STK32A: variants seen among roughly 807,000 people sequenced by gnomAD.
The protein encoded by STK32A is serine/threonine kinase 32A, also known as serine/threonine-protein kinase 32A.
A neutral mutation model predicts 53.2 loss-of-function variants in STK32A; 41 were observed. The ratio of observed to expected loss-of-function variants is 0.77; its 90% CI spans 0.60 to 1.00. The LOEUF (loss-of-function observed/expected upper bound fraction) is 1.00, where lower values mean the gene tolerates loss of function less well. STK32A is among the 50% of genes least tolerant of loss of function. STK32A has a pLI of 0.00. For synonymous variants in STK32A, 166 were observed against 162.8 expected (o/e 1.02, Z -0.15); for missense variants, 458 against 485.8 (o/e 0.94, Z 0.54).
At chr5:147,287,612 T>C (rs1180758879) in intron 4 of STK32A, among the ~76,000 whole-genome samples, 1 of 152,158 alleles carries the variant, frequency 6.6e-6, no homozygotes, top group Non-Finnish European at 1.5e-5. Flanking sequence ...ACTACTCGGA[T>C]ATGGTAGAGT....
the STK32A span, chr5:147,395,807 A>G: frequency 2.3e-5 from 35 of 1,491,762 alleles, no homozygotes; most frequent in East Asian, 6.8e-4. Flanking sequence ...TAGTGAATAC[A>G]GTGTGTGGTG....
intron 5 of STK32A, among the ~76,000 whole-genome samples, chr5:147,331,809 A>T (rs1380393447): frequency 6.6e-6 from 1 of 152,098 alleles, no homozygotes; most frequent in Non-Finnish European, 1.5e-5. Flanking sequence ...ACAGGTGAAG[A>T]TGGGGGATTG....
intron 7 of STK32A, among the ~76,000 whole-genome samples, chr5:147,357,651 C>T (rs892247980): frequency 1.1e-4 from 16 of 151,942 alleles, no homozygotes; most frequent in African/African-American, 3.6e-4. Flanking sequence ...TGCTTTCTAA[C>T]TTTGATGCTT....
intron 4 of STK32A, among the ~76,000 whole-genome samples, chr5:147,299,574 C>A (rs1207779821): frequency 6.6e-6 from 1 of 152,114 alleles, no homozygotes; most frequent in Non-Finnish European, 1.5e-5. Context: ...CACTGAAGCT[C>A]CACTTTAGAT....
At chr5:147,278,781 A>G (rs1751893430) in intron 3 of STK32A, among the ~76,000 whole-genome samples, 1 of 152,192 alleles carries the variant, frequency 6.6e-6, no homozygotes, top group South Asian at 2.1e-4. Context: ...CTCTAAAGAA[A>G]TTTCAAAAAC....
chr5:147,341,494 G>A (rs1436536993), intron 5 of STK32A, among the ~76,000 whole-genome samples: 2 of 152,140 alleles, frequency 1.3e-5, no homozygotes, highest in Non-Finnish European at 2.9e-5. Flanking sequence ...AAAATTTTTT[G>A]AGTAGGCATT....
intron 2 of STK32A, among the ~76,000 whole-genome samples, chr5:147,258,922 TTA>T (rs1754362429): frequency 7.1e-6 from 1 of 139,902 alleles, no homozygotes; most frequent in African/African-American, 3.3e-5. Context: ...TGGCTTTTTT[TTA>T]TTATTATTAT....
At position 147,239,547 on chromosome 5, in the gene STK32A, C is replaced by T. The variant is rs1335149174; in HGVS notation, c.-88C>T. 2.9e-6 allele frequency: 3 copies of T among 1,030,366 alleles called. No homozygotes were observed. The South Asian group carries it at 4.5e-5, about 15-fold the overall frequency. The allele number at this position is 1,030,366 out of a possible 1,614,324, so 63.8% of individuals were successfully genotyped here. ...TTCTTTTCCTATCCTAGATATCCAA[C>T]TAAGGCTTCGGGACATGTTTTGAGC... On this transcript the variant is annotated 5_prime_UTR_variant, in exon 2 of 13. Transcript: ENST00000397936.
intron 5 of STK32A, among the ~76,000 whole-genome samples, chr5:147,336,540 C>A (rs1310843016): frequency 6.6e-6 from 1 of 152,090 alleles, no homozygotes; most frequent in Non-Finnish European, 1.5e-5. Context: ...TATATATGCC[C>A]ACTATATTTC....
downstream of STK32A, chr5:147,387,952 C>A (rs1209597380): frequency 6.6e-6 from 1 of 152,130 alleles, no homozygotes; most frequent in Non-Finnish European, 1.5e-5. Context: ...GTAACCCGTT[C>A]TTATGTCTAT....
chr5:147,335,315 A>G (rs1396462291), intron 5 of STK32A, among the ~76,000 whole-genome samples: 1 of 152,216 alleles, frequency 6.6e-6, no homozygotes, highest in Non-Finnish European at 1.5e-5. Context: ...AGAAAACCTC[A>G]TAATGGTTTA....
chr5:147,294,313 G>A (rs1259939333), intron 4 of STK32A, among the ~76,000 whole-genome samples: 1 of 152,170 alleles, frequency 6.6e-6, no homozygotes, highest in Non-Finnish European at 1.5e-5. Context: ...CCAGCCTGGA[G>A]TGCAGTGGCA....
At chr5:147,374,158 CT>C (rs1345438643) in intron 10 of STK32A, among the ~76,000 whole-genome samples, 1 of 151,686 alleles carries the variant, frequency 6.6e-6, no homozygotes, top group African/African-American at 2.4e-5. Flanking sequence ...CGTGGTGGTA[CT>C]TGGGTGTAGT....
intron 4 of STK32A, among the ~76,000 whole-genome samples, chr5:147,323,558 A>G (rs1375891961): frequency 2.0e-5 from 3 of 152,244 alleles, no homozygotes; most frequent in Non-Finnish European, 2.9e-5. Context: ...GGATACAACC[A>G]TTAGCAATAA....
In STK32A at chr5:147,300,538, C is replaced by T. The variant is rs151260499; in HGVS notation, c.260+21140C>T. On this transcript the variant is annotated intron_variant, in intron 4 of 12. Transcript: ENST00000397936. ...CAGTGCCTACCGCACAGTAAGTGCT[C>T]GATAAATATCTTTTAAATGAGCATG... Among the ~76,000 whole-genome samples the T allele has an allele frequency of 2.2e-3, 332 of 152,280 alleles. 1 individual carries two copies. The highest frequency in any genetic ancestry group is 7.3e-3 in the African/African-American group (303 of 41,568).
chr5:147,394,176 G>T, the STK32A span: 2 of 1,571,562 alleles, frequency 1.3e-6, no homozygotes, highest in South Asian at 1.1e-5. Flanking sequence ...GTGGCGGGTA[G>T]GGGGATGTGG....
At chr5:147,370,323 T>TA (rs1561752993) in intron 8 of STK32A, among the ~76,000 whole-genome samples, 1 of 152,220 alleles carries the variant, frequency 6.6e-6, no homozygotes, top group African/African-American at 2.4e-5. Flanking sequence ...TGTTAATACT[T>TA]ATATAATACC....
intron 5 of STK32A, among the ~76,000 whole-genome samples, chr5:147,340,709 C>T (rs906902121): frequency 6.6e-6 from 1 of 152,148 alleles, no homozygotes; most frequent in South Asian, 2.1e-4. Flanking sequence ...TTCTCTTATA[C>T]ATTTTTCTTA....
intron 2 of STK32A, among the ~76,000 whole-genome samples, chr5:147,260,954 G>C (rs911961442): frequency 6.6e-6 from 1 of 152,196 alleles, no homozygotes; most frequent in South Asian, 2.1e-4. Context: ...CGGCTGCCGC[G>C]GCTTCTCCTT....
Sources: gnomAD v4.1 joint callset for allele counts (sites outside exome capture counted in the v4.1 genomes callset) on GRCh38, gnomAD v4.1.1 for gene constraint, MANE v1.5 for transcripts, NCBI Gene and HGNC (gene_info 2026-07-23, HGNC 2026-07-21) for gene names.